TDRD3: variants seen among roughly 807,000 people sequenced by gnomAD.
The protein encoded by TDRD3 is tudor domain containing 3.
Under a neutral mutation model 86.7 loss-of-function variants are expected in TDRD3, and 45 were observed. The observed-to-expected ratio is 0.52, with a 90% CI of 0.41 to 0.67. The LOEUF is 0.67. TDRD3 is among the 30% of genes least tolerant of loss of function. The pLI is 0.00. For missense variants in TDRD3, 814 were observed against 889.0 expected, an observed-to-expected ratio of 0.92 and a Z score of 1.07; for synonymous variants, 298 against 301.7, an observed-to-expected ratio of 0.99 and a Z score of 0.13.
intron 12 of TDRD3, chr13:60,535,713 A>G (rs1227126244): frequency 6.6e-6 from 1 of 152,370 alleles, no homozygotes; most frequent in African/African-American, 2.4e-5. Context: ...TGACGTATAT[A>G]TGTACAGATT....
rs373650828 is a variant in TDRD3, at chr13:60,466,591, C to A, written c.354-647C>A. Among the ~76,000 whole-genome samples the A allele has an allele frequency of 3.3e-5, 5 of 152,104 alleles. No homozygotes were observed. The South Asian group carries it at 1.0e-3, about 32-fold the overall frequency. ...TCACCTGAGGTCATGAGTTGGAGAC[C>A]ACCCTGGCCAACATAGTGAAACCCT... On this transcript the variant is annotated intron_variant, in intron 4 of 13. Coordinates refer to ENST00000377881, the MANE Select transcript of TDRD3 (RefSeq NM_001146070.2).
At chr13:60,523,005 A>ATTTTG (rs71199005) in intron 10 of TDRD3, among the ~76,000 whole-genome samples, 66,551 of 151,342 alleles carry the variant, frequency 0.44, 15,072 homozygotes, top group South Asian at 0.55. Context: ...GAGGCACATT[A>ATTTTG]TTTTTTCACT....
intron 1 of TDRD3, among the ~76,000 whole-genome samples, chr13:60,408,078 C>A (rs1451403236): frequency 2.7e-5 from 4 of 149,906 alleles, no homozygotes; most frequent in Non-Finnish European, 5.9e-5. Flanking sequence ...GGCCTCCCCA[C>A]CCGTGTGGAA....
intron 12 of TDRD3, among the ~76,000 whole-genome samples, chr13:60,544,168 G>A (rs756855860): frequency 6.6e-6 from 1 of 151,752 alleles, no homozygotes; most frequent in Non-Finnish European, 1.5e-5. Flanking sequence ...AAAGTGTTGG[G>A]TTGGGCATGG....
At chr13:60,500,998 G>A (rs1956818862) in intron 8 of TDRD3, among the ~76,000 whole-genome samples, 1 of 152,138 alleles carries the variant, frequency 6.6e-6, no homozygotes, top group African/African-American at 2.4e-5. Flanking sequence ...CAGCAACATG[G>A]AACTCCACTC....
chr13:60,521,072 A>C (rs967739143), intron 10 of TDRD3, among the ~76,000 whole-genome samples: 1 of 152,244 alleles, frequency 6.6e-6, no homozygotes, highest in Admixed American at 6.5e-5. Context: ...TCTCTAGTGC[A>C]AATCAGAGAT....
intron 1 of TDRD3, among the ~76,000 whole-genome samples, chr13:60,438,951 A>G (rs1292276073): frequency 1.3e-5 from 2 of 152,084 alleles, no homozygotes. Flanking sequence ...AGAATTGTTG[A>G]GTTTATCAAA....
intron 11 of TDRD3, among the ~76,000 whole-genome samples, chr13:60,532,039 C>CAA (rs1346898483): frequency 6.6e-6 from 1 of 152,094 alleles, no homozygotes; most frequent in Non-Finnish European, 1.5e-5. Context: ...CTCCAAATAC[C>CAA]TGTTACAATT....
At chr13:60,453,503 T>G (rs967356061) in intron 3 of TDRD3, among the ~76,000 whole-genome samples, 1 of 152,208 alleles carries the variant, frequency 6.6e-6, no homozygotes, top group Non-Finnish European at 1.5e-5. Flanking sequence ...TCAGTTGAAC[T>G]CAAAAGGTTT....
intron 7 of TDRD3, among the ~76,000 whole-genome samples, chr13:60,488,152 C>T (rs1474136005): frequency 6.6e-6 from 1 of 152,088 alleles, no homozygotes; most frequent in Non-Finnish European, 1.5e-5. Flanking sequence ...TCGTCAGTCT[C>T]AAATCCATCT....
chr13:60,539,584 T>A (rs1369624391), intron 12 of TDRD3, among the ~76,000 whole-genome samples: 1 of 151,730 alleles, frequency 6.6e-6, no homozygotes, highest in Non-Finnish European at 1.5e-5. Context: ...TTATGATAAT[T>A]ATATATATTT....
chr13:60,404,036 C>G (rs564606782), intron 1 of TDRD3, among the ~76,000 whole-genome samples: 7 of 152,162 alleles, frequency 4.6e-5, no homozygotes, highest in Non-Finnish European at 1.0e-4. Context: ...ATTTTACTTG[C>G]AAGATTTTGT....
chr13:60,542,469 C>G (rs1033347532), intron 12 of TDRD3, among the ~76,000 whole-genome samples: 5 of 152,192 alleles, frequency 3.3e-5, no homozygotes, highest in African/African-American at 9.6e-5. Flanking sequence ...GTTTCAGTTT[C>G]TGGTGAATTT....
chr13:60,412,690 T>C (rs1027552081), intron 1 of TDRD3, among the ~76,000 whole-genome samples: 2 of 152,168 alleles, frequency 1.3e-5, no homozygotes, highest in Non-Finnish European at 2.9e-5. Context: ...TCTGGGCCAT[T>C]ATATTGGCCA....
intron 8 of TDRD3, among the ~76,000 whole-genome samples, chr13:60,508,128 C>A (rs951736042): frequency 1.3e-5 from 2 of 152,096 alleles, no homozygotes; most frequent in African/African-American, 4.8e-5. Flanking sequence ...AGGATACAAA[C>A]GAATGGAAAA....
chr13:60,418,404 C>T (rs868480731), intron 1 of TDRD3, among the ~76,000 whole-genome samples: 4 of 152,042 alleles, frequency 2.6e-5, no homozygotes, highest in Non-Finnish European at 5.9e-5. Flanking sequence ...GCTCATTGTG[C>T]TATAATTGTT....
At chr13:60,495,467 ATTTTT>A (rs542683486) in intron 8 of TDRD3, among the ~76,000 whole-genome samples, 1 of 145,434 alleles carries the variant, frequency 6.9e-6, no homozygotes, top group African/African-American at 2.5e-5. Context: ...AATCAGAGGT[ATTTTT>A]TTTTTTTTGA....
intron 8 of TDRD3, among the ~76,000 whole-genome samples, chr13:60,502,859 G>A (rs1004884091): frequency 3.3e-5 from 5 of 152,208 alleles, no homozygotes; most frequent in East Asian, 1.9e-4. Flanking sequence ...TAAAATAACC[G>A]GTTTTTCTAA....
At chr13:60,570,997 C>T (rs768503879) in intron 13 of TDRD3, among the ~76,000 whole-genome samples, 3 of 152,228 alleles carry the variant, frequency 2.0e-5, no homozygotes, top group Middle Eastern at 3.4e-3. Context: ...TTTCTATGTT[C>T]CCTGAGTTAA....
Sources: gnomAD v4.1 joint callset for allele counts (sites outside exome capture counted in the v4.1 genomes callset) on GRCh38, gnomAD v4.1.1 for gene constraint, MANE v1.5 for transcripts, NCBI Gene and HGNC (gene_info 2026-07-23, HGNC 2026-07-21) for gene names.